TMEM50B: variants seen among roughly 807,000 people sequenced by gnomAD.
TMEM50B encodes HCV p7-trans-regulated protein 3.
A neutral mutation model predicts 23.4 loss-of-function variants in TMEM50B; 14 were observed. The observed-to-expected ratio is 0.60, with a 90% CI of 0.39 to 0.93. TMEM50B has a LOEUF of 0.93. TMEM50B is among the 40% of genes least tolerant of loss of function. The pLI, the probability that TMEM50B is intolerant of heterozygous loss-of-function variation, is 0.00. For missense variants in TMEM50B, 159 were observed against 193.0 expected (o/e 0.82, Z 1.04); for synonymous variants, 64 against 62.3 (o/e 1.03, Z -0.13).
chr21:33,474,072 T>C (rs1478062358), intron 1 of TMEM50B, among the ~76,000 whole-genome samples: 1 of 151,998 alleles, frequency 6.6e-6, no homozygotes. Flanking sequence ...AAAACTAGAT[T>C]GTGGCAATGA....
At position 33,473,822 on chromosome 21, in the gene TMEM50B, C is replaced by T. The variant is rs552066158; in HGVS notation, c.-41-4896G>A. Among the ~76,000 whole-genome samples the T allele has an allele frequency of 2.0e-5, 3 of 152,260 alleles. No homozygotes were observed. The South Asian group carries it at 6.2e-4, about 32-fold the overall frequency. ...CAACGAATGGATAAATAAAACATAG[C>T]ACATCCATACAACGAAATACAAATT... On this transcript the variant is annotated intron_variant, in intron 1 of 6. Coordinates refer to ENST00000542230, the MANE Select transcript of TMEM50B (RefSeq NM_006134.7).
chr21:33,476,588 C>CG (rs2123465624), intron 1 of TMEM50B, among the ~76,000 whole-genome samples: 2 of 151,472 alleles, frequency 1.3e-5, no homozygotes, highest in Middle Eastern at 6.8e-3. Flanking sequence ...GATGAAACCC[C>CG]GTCTCTACTA....
At chr21:33,457,791 G>C (rs1293741437) in intron 5 of TMEM50B, among the ~76,000 whole-genome samples, 1 of 152,176 alleles carries the variant, frequency 6.6e-6, no homozygotes, top group Admixed American at 6.5e-5. Context: ...AACTGCTAAA[G>C]TAAATAAGCA....
At position 33,450,334 on chromosome 21, in the gene TMEM50B, A is replaced by T. The variant is rs2084107300; in HGVS notation, c.*484T>A. On this transcript the variant is annotated 3_prime_UTR_variant, in exon 7 of 7. Coordinates refer to ENST00000542230, the MANE Select transcript of TMEM50B (RefSeq NM_006134.7). ...TGCCTCAGCCTCCTAGGTAGTTGGG[A>T]TTACAGGCACCCACCACCATGCCTG... 6.6e-6 allele frequency: 1 copy of T among 152,480 alleles called. No individual in the cohort carries two copies. Among genetic ancestry groups the T allele is most frequent in the Non-Finnish European group, 1.5e-5 (1 of 68,282 alleles). 9.4% of individuals were successfully genotyped at this position (152,480 alleles called of 1,614,324 possible).
chr21:33,473,836 G>A (rs1261206809), intron 1 of TMEM50B, among the ~76,000 whole-genome samples: 4 of 152,066 alleles, frequency 2.6e-5, no homozygotes, highest in Admixed American at 6.6e-5. Flanking sequence ...TCCATACAAC[G>A]AAATACAAAT....
chr21:33,450,701 T>A lies in TMEM50B; in HGVS notation c.*117A>T. 1 of 757,666 alleles carries A rather than the reference T, an allele frequency of 1.3e-6. No homozygotes were observed. Among genetic ancestry groups the A allele is most frequent in the Non-Finnish European group, 2.1e-6 (1 of 471,716 alleles). 46.9% of individuals were successfully genotyped at this position (757,666 alleles called of 1,614,324 possible). A position where few individuals can be genotyped will look rare whatever the true frequency, so the allele number is the denominator to read the frequency against. ...TTTCAAAACTCAGAACATAAAAATG[T>A]AAAGAAACAAAACATTTAATGTACA... On this transcript the variant is annotated 3_prime_UTR_variant, in exon 7 of 7. Coordinates refer to ENST00000542230, the MANE Select transcript of TMEM50B (RefSeq NM_006134.7).
chr21:33,463,467 C>G (rs7278056), intron 4 of TMEM50B, among the ~76,000 whole-genome samples: 62,773 of 151,818 alleles, frequency 0.41, 15,033 homozygotes, highest in Non-Finnish European at 0.54. Flanking sequence ...GTAGTGGCCA[C>G]GAGGTGAGGG....
At chr21:33,442,726 G>A (rs1005898685) in intron 7 of TMEM50B, among the ~76,000 whole-genome samples, 1 of 152,086 alleles carries the variant, frequency 6.6e-6, no homozygotes, top group Non-Finnish European at 1.5e-5. Flanking sequence ...TTCGACACCA[G>A]CCTGGCCAAC....
At position 33,460,451 on chromosome 21, in the gene TMEM50B, G is replaced by C; in HGVS notation, c.335C>G (p.Ala112Gly). Residue 112 changes from alanine to glycine, a missense_variant, in exon 5 of 7, where the codon GCT becomes GGT. Physicochemically the swap from Ala to Gly is moderately conservative, Grantham distance 60. Transcript: ENST00000542230. ...TGCACCAAAAAGAATCCACATGGAAGCAATAAGTGACCCAAACATCAACAT... is the reference window on the plus strand; with the variant it reads ...TGCACCAAAAAGAATCCACATGGAACCAATAAGTGACCCAAACATCAACAT... ...GFMLMFGSLI[A>G]SMWILFGAYV... is the part of the protein sequence containing the mutation. 6.2e-7 allele frequency: 1 copy of C among 1,612,326 alleles called. No homozygotes were observed. Among genetic ancestry groups the C allele is most frequent in the Non-Finnish European group, 8.5e-7 (1 of 1,179,198 alleles).
chr21:33,467,180 T>C, intron 2 of TMEM50B, 58 bp from the exon 3 acceptor site: 1 of 1,387,150 alleles, frequency 7.2e-7, no homozygotes, highest in African/African-American at 1.4e-5. Context: ...CAATACCTGC[T>C]TTTTAACATT....
exon 9 of TMEM50B, chr21:33,432,720 C>T (rs1427618329): frequency 1.2e-6 from 2 of 1,614,110 alleles, no homozygotes; most frequent in South Asian, 2.2e-5. Context: ...TTAGCCTCCA[C>T]TGAGCTTCAG....
chr21:33,455,921 T>C (rs1054263143), intron 5 of TMEM50B, 137 bp from the exon 6 acceptor site: 9 of 737,572 alleles, frequency 1.2e-5, no homozygotes, highest in Non-Finnish European at 2.2e-5. Context: ...ACATCTATAA[T>C]GAAACTGAAA....
At chr21:33,477,356 A>G (rs1439426150) in intron 1 of TMEM50B, among the ~76,000 whole-genome samples, 1 of 152,126 alleles carries the variant, frequency 6.6e-6, no homozygotes, top group African/African-American at 2.4e-5. Flanking sequence ...ATGTGTCCTT[A>G]TATTATCATC....
At chr21:33,462,215 T>TA (rs1601123783) in intron 4 of TMEM50B, among the ~76,000 whole-genome samples, 1 of 152,280 alleles carries the variant, frequency 6.6e-6, no homozygotes, top group Middle Eastern at 3.4e-3. Flanking sequence ...AGAGATAGTT[T>TA]ACAGATAAAC....
chr21:33,472,041 A>G (rs150180364), intron 1 of TMEM50B, among the ~76,000 whole-genome samples: 10 of 151,060 alleles, frequency 6.6e-5, no homozygotes, highest in South Asian at 2.1e-4. Flanking sequence ...AAAAAAAAAA[A>G]AAAGAAAGAA....
chr21:33,478,422 G>A (rs745464024), intron 1 of TMEM50B, among the ~76,000 whole-genome samples: 1 of 152,034 alleles, frequency 6.6e-6, no homozygotes, highest in East Asian at 1.9e-4. Flanking sequence ...AGCAGAGATC[G>A]GGCCACTGTA....
chr21:33,471,886 T>C (rs939202965), intron 1 of TMEM50B, among the ~76,000 whole-genome samples: 1 of 148,864 alleles, frequency 6.7e-6, no homozygotes, highest in Non-Finnish European at 1.5e-5. Flanking sequence ...ATACAAAAAA[T>C]TAGCCAGGCA....
chr21:33,435,746 G>A (rs2083939803), intron 8 of TMEM50B, among the ~76,000 whole-genome samples: 1 of 152,006 alleles, frequency 6.6e-6, no homozygotes, highest in South Asian at 2.1e-4. Context: ...ACCCAGGCAT[G>A]GTGGCATGCG....
chr21:33,453,722 A>C (rs1478064506), intron 6 of TMEM50B, among the ~76,000 whole-genome samples: 1 of 152,160 alleles, frequency 6.6e-6, no homozygotes, highest in Non-Finnish European at 1.5e-5. Flanking sequence ...AAGGCTTAGA[A>C]GTTACTTAAT....
Sources: gnomAD v4.1 joint callset for allele counts (sites outside exome capture counted in the v4.1 genomes callset) on GRCh38, gnomAD v4.1.1 for gene constraint, MANE v1.5 for transcripts, NCBI Gene and HGNC (gene_info 2026-07-23, HGNC 2026-07-21) for gene names.